The following PREX2 variants were observed in gnomAD, a reference collection of about 807,000 sequenced individuals.
PREX2 encodes the protein phosphatidylinositol 3,4,5-trisphosphate-dependent Rac exchanger 2 protein.
A neutral mutation model predicts 203.2 loss-of-function variants in PREX2; 107 were observed. That is an observed-to-expected ratio of 0.53 (90% CI 0.45 to 0.62). PREX2 has a LOEUF of 0.62. Among genes scored for constraint, PREX2 ranks in the 20% least tolerant of loss-of-function variants. PREX2 has a pLI of 0.00. For missense variants in PREX2, 1,777 were observed against 1,955.9 expected, an observed-to-expected ratio of 0.91 and a Z score of 1.72; for synonymous variants, 672 against 663.6, an observed-to-expected ratio of 1.01 and a Z score of -0.19.
At chr8:68,104,657 A>G (rs1470238544) in intron 23 of PREX2, among the ~76,000 whole-genome samples, 1 of 152,124 alleles carries the variant, frequency 6.6e-6, no homozygotes, top group Non-Finnish European at 1.5e-5. Context: ...CCATCTATCA[A>G]CATTACATAA....
At chr8:68,149,970 T>C (rs6472385) in intron 34 of PREX2, among the ~76,000 whole-genome samples, 119,848 of 152,216 alleles carry the variant, frequency 0.79, 47,786 homozygotes, top group African/African-American at 0.93. Context: ...CCAGGAACAA[T>C]ATAAAATATT....
chr8:68,060,199 G>T (rs1808806577), intron 10 of PREX2, among the ~76,000 whole-genome samples: 1 of 152,104 alleles, frequency 6.6e-6, no homozygotes, highest in African/African-American at 2.4e-5. Flanking sequence ...GTTTTGTTTT[G>T]TTCTTCCTTC....
chr8:68,146,659 G>A (rs564011681), intron 34 of PREX2, among the ~76,000 whole-genome samples: 2 of 152,028 alleles, frequency 1.3e-5, no homozygotes, highest in Non-Finnish European at 2.9e-5. Flanking sequence ...CAGTTTCATG[G>A]TTAAAATATT....
intron 35 of PREX2, among the ~76,000 whole-genome samples, chr8:68,178,300 C>G (rs1311796065): frequency 2.0e-5 from 3 of 152,002 alleles, no homozygotes; most frequent in Admixed American, 2.0e-4. Flanking sequence ...TATTTTTTGA[C>G]TTTTTAATTG....
rs575806654 is a variant in PREX2, at chr8:68,224,420, G to A, written c.4708-139G>A. The A allele has an allele frequency of 1.6e-4, 105 of 668,272 alleles. 1 individual carries two copies. The highest frequency in any genetic ancestry group is 2.4e-4 in the Non-Finnish European group (93 of 379,734). The allele number at this position is 668,272 out of a possible 1,614,324, so 41.4% of individuals were successfully genotyped here. On this transcript the variant is annotated intron_variant, in intron 38 of 39. Transcript: ENST00000288368. Reference sequence around the variant, plus strand: ...TTGATTTTGAAAATGCTCAGACAGCGATGTCTGTCTTTCTCTTAGCTAATC... The same window carrying A: ...TTGATTTTGAAAATGCTCAGACAGCAATGTCTGTCTTTCTCTTAGCTAATC...
intron 1 of PREX2, among the ~76,000 whole-genome samples, chr8:67,966,250 A>G (rs1425165483): frequency 1.3e-5 from 2 of 152,190 alleles, no homozygotes; most frequent in African/African-American, 4.8e-5. Context: ...AAATTTTTTA[A>G]AAAGAAAATG....
chr8:68,123,009 G>A (rs6999533), intron 30 of PREX2, among the ~76,000 whole-genome samples: 39,383 of 151,860 alleles, frequency 0.26, 5,223 homozygotes, highest in South Asian at 0.35. Flanking sequence ...ATCTGTAGAT[G>A]TCTATCAGGA....
chr8:67,994,525 T>C (rs16933966), intron 1 of PREX2, among the ~76,000 whole-genome samples: 22,462 of 152,172 alleles, frequency 0.15, 2,323 homozygotes, highest in African/African-American at 0.3. Context: ...GACAATGATA[T>C]AGCTGCTGAT....
intron 1 of PREX2, among the ~76,000 whole-genome samples, chr8:67,999,604 A>G (rs1389838952): frequency 6.6e-6 from 1 of 152,040 alleles, no homozygotes; most frequent in African/African-American, 2.4e-5. Context: ...AGACATTTAC[A>G]CAACTCATTC....
At chr8:68,055,739 C>A (rs1808657738) in intron 9 of PREX2, 91 bp from the exon 10 acceptor site, 1 of 1,210,220 alleles carries the variant, frequency 8.3e-7, no homozygotes, top group Non-Finnish European at 1.2e-6. Context: ...ACATGGTAGA[C>A]CTGCAACAAA....
chr8:67,976,072 G>A lies in PREX2; in HGVS notation c.141+23537G>A, dbSNP rs536956094. 2.8e-4 allele frequency among the ~76,000 whole-genome samples: 42 copies of A among 151,996 alleles called. 1 individual carries two copies. The highest frequency in any genetic ancestry group is 2.4e-3 in the Admixed American group (37 of 15,250). On this transcript the variant is annotated intron_variant, in intron 1 of 39. Transcript: ENST00000288368. ...TGCATAGATTCTTCTATACTTTTAG[G>A]CTTTTGATGAAGTTATAACACACGG...
At chr8:68,068,128 G>A (rs944702165) in intron 11 of PREX2, among the ~76,000 whole-genome samples, 15 of 151,918 alleles carry the variant, frequency 9.9e-5, no homozygotes, top group Non-Finnish European at 2.9e-5. Context: ...ATTTTGTTTA[G>A]GATTTTGGCA....
chr8:68,034,677 A>G (rs1427682939), intron 6 of PREX2, among the ~76,000 whole-genome samples: 1 of 152,208 alleles, frequency 6.6e-6, no homozygotes, highest in African/African-American at 2.4e-5. Flanking sequence ...GGAAAAATAC[A>G]GTGCTACGGG....
chr8:68,158,415 CA>C (rs1811589431), intron 35 of PREX2, among the ~76,000 whole-genome samples: 2 of 151,884 alleles, frequency 1.3e-5, no homozygotes, highest in Admixed American at 1.3e-4. Context: ...AATTGCAAGC[CA>C]GGAGCATAGA....
chr8:67,993,829 G>A (rs1458264720), intron 1 of PREX2, among the ~76,000 whole-genome samples: 6 of 152,004 alleles, frequency 3.9e-5, no homozygotes, highest in Non-Finnish European at 7.4e-5. Flanking sequence ...ACGTTCTATC[G>A]GCAATCTAAT....
intron 11 of PREX2, among the ~76,000 whole-genome samples, chr8:68,065,393 A>G (rs1023524514): frequency 6.6e-6 from 1 of 152,190 alleles, no homozygotes; most frequent in African/African-American, 2.4e-5. Context: ...TCTTGATTTT[A>G]TATTTCTTTC....
At chr8:68,085,701 C>A (rs1480014541) in intron 18 of PREX2, among the ~76,000 whole-genome samples, 1 of 152,128 alleles carries the variant, frequency 6.6e-6, no homozygotes, top group African/African-American at 2.4e-5. Context: ...TTCTAAAGAT[C>A]ATTTTACTAA....
rs1352609889 is a variant in PREX2, at chr8:68,038,179, C to T, written c.726C>T (p.Thr242=). The T allele has an allele frequency of 1.2e-5, 20 of 1,613,404 alleles. No individual in the cohort carries two copies. The Admixed American group carries it at 3.3e-4, about 27-fold the overall frequency. ...EGWEGSNITD[T]CTEMLMCGVL... is the part of the protein sequence containing the mutation. ...CTTAGGGGTCCAACATCACTGACAC[C>T]TGCACTGAAATGCTAATGTGTGGAG... Residue 242 remains threonine, a synonymous_variant, in exon 7 of 40, where the codon ACC becomes ACT. Coordinates refer to ENST00000288368, the MANE Select transcript of PREX2 (RefSeq NM_024870.4).
chr8:68,106,605 C>CAT (rs1585798637), intron 23 of PREX2, among the ~76,000 whole-genome samples: 2 of 151,896 alleles, frequency 1.3e-5, no homozygotes, highest in East Asian at 1.9e-4. Context: ...ATATATATCA[C>CAT]ATATATATAT....
Sources: allele counts gnomAD v4.1 joint callset (sites outside exome capture counted in the v4.1 genomes callset), GRCh38; gene constraint gnomAD v4.1.1; transcripts MANE v1.5; gene names NCBI Gene and HGNC (gene_info 2026-07-23, HGNC 2026-07-21).